The following CCDC148 variants were observed in gnomAD, a reference collection of about 807,000 sequenced individuals.
CCDC148 encodes the protein coiled-coil domain containing 148, also known as coiled-coil domain-containing protein 148.
Under a neutral mutation model 85.7 loss-of-function variants are expected in CCDC148, and 89 were observed. The ratio of observed to expected loss-of-function variants is 1.04; its 90% CI spans 0.87 to 1.24. CCDC148 has a LOEUF of 1.24. Among genes scored for constraint, CCDC148 ranks in the 50% most tolerant of loss-of-function variants. CCDC148 has a pLI of 0.00. For missense variants in CCDC148, 692 were observed against 671.7 expected (o/e 1.03, Z -0.33); for synonymous variants, 230 against 213.9 (o/e 1.08, Z -0.66).
chr2:158,350,737 T>A (rs948551758), intron 2 of CCDC148, among the ~76,000 whole-genome samples: 3 of 152,194 alleles, frequency 2.0e-5, no homozygotes, highest in African/African-American at 7.2e-5. Flanking sequence ...CCTAGTTAAT[T>A]CTTTTGTATT....
At chr2:158,455,865 C>G (rs1159268360) in intron 1 of CCDC148, among the ~76,000 whole-genome samples, 1 of 152,174 alleles carries the variant, frequency 6.6e-6, no homozygotes, top group African/African-American at 2.4e-5. Context: ...ATTATTAAAG[C>G]TCAAGATTTT....
intron 1 of CCDC148, among the ~76,000 whole-genome samples, chr2:158,439,912 G>A (rs900860853): frequency 4.6e-5 from 7 of 152,144 alleles, no homozygotes; most frequent in Admixed American, 2.0e-4. Flanking sequence ...GCAGGCTGGA[G>A]TGCAGTGGTG....
intron 1 of CCDC148, among the ~76,000 whole-genome samples, chr2:158,428,286 T>C (rs965526336): frequency 1.3e-5 from 2 of 152,090 alleles, no homozygotes; most frequent in African/African-American, 4.8e-5. Flanking sequence ...CAGAACTTGC[T>C]GATGGAGAGA....
intron 1 of CCDC148, among the ~76,000 whole-genome samples, chr2:158,399,531 GA>G (rs1465887297): frequency 3.3e-5 from 5 of 152,054 alleles, no homozygotes; most frequent in African/African-American, 1.2e-4. Flanking sequence ...AAAAACACAT[GA>G]TTATCTCAAT....
intron 1 of CCDC148, among the ~76,000 whole-genome samples, chr2:158,364,811 T>C (rs767884434): frequency 2.6e-5 from 4 of 152,038 alleles, no homozygotes; most frequent in Non-Finnish European, 5.9e-5. Flanking sequence ...AATTGACAAA[T>C]GGGATCTAAT....
At chr2:158,198,748 A>G (rs1340473286) in intron 11 of CCDC148, among the ~76,000 whole-genome samples, 1 of 152,192 alleles carries the variant, frequency 6.6e-6, no homozygotes, top group Non-Finnish European at 1.5e-5. Flanking sequence ...AGAAACAGTG[A>G]ACTGAGTTTA....
intron 11 of CCDC148, among the ~76,000 whole-genome samples, chr2:158,213,524 T>C (rs757779539): frequency 2.6e-5 from 4 of 152,098 alleles, no homozygotes; most frequent in Non-Finnish European, 5.9e-5. Flanking sequence ...TTCAGAAAAG[T>C]CAAAGATTGA....
chr2:158,284,452 A>C (rs1156986035), intron 9 of CCDC148, among the ~76,000 whole-genome samples: 1 of 151,758 alleles, frequency 6.6e-6, no homozygotes, highest in Non-Finnish European at 1.5e-5. Context: ...CCTTTTGGAA[A>C]TTTGGATAGC....
chr2:158,425,234 T>C (rs537994555), intron 1 of CCDC148: 225 of 537,446 alleles, frequency 4.2e-4, no homozygotes, highest in Middle Eastern at 1.6e-3. Context: ...CAGACTATAG[T>C]GGCCAAGAGA....
intron 11 of CCDC148, among the ~76,000 whole-genome samples, chr2:158,201,206 T>C (rs942970805): frequency 3.3e-5 from 5 of 152,196 alleles, no homozygotes; most frequent in African/African-American, 7.2e-5. Context: ...GAAATTTTCA[T>C]TTAATATTGG....
chr2:158,219,839 T>G (rs1237250460), intron 11 of CCDC148, among the ~76,000 whole-genome samples: 1 of 152,240 alleles, frequency 6.6e-6, no homozygotes, highest in Admixed American at 6.5e-5. Flanking sequence ...AGAGGGCTCC[T>G]CAGTTCCAAA....
intron 11 of CCDC148, among the ~76,000 whole-genome samples, chr2:158,212,946 G>A (rs1479495110): frequency 1.3e-5 from 2 of 152,130 alleles, no homozygotes; most frequent in African/African-American, 4.8e-5. Context: ...GTGACTTTGG[G>A]CCCATACTTG....
At chr2:158,258,218 G>T (rs1689086520) in intron 9 of CCDC148, among the ~76,000 whole-genome samples, 2 of 151,820 alleles carry the variant, frequency 1.3e-5, no homozygotes, top group African/African-American at 4.8e-5. Context: ...GTTCATTTGT[G>T]ATGTAAAATA....
chr2:158,455,957 A>G (rs1025632723), intron 1 of CCDC148, among the ~76,000 whole-genome samples: 1 of 152,222 alleles, frequency 6.6e-6, no homozygotes, highest in Non-Finnish European at 1.5e-5. Context: ...AAATCCATCA[A>G]CTGTAATCCA....
chr2:158,286,277 A>G (rs1484864041), intron 9 of CCDC148, among the ~76,000 whole-genome samples: 2 of 152,234 alleles, frequency 1.3e-5, no homozygotes, highest in East Asian at 1.9e-4. Flanking sequence ...AAACTTTACA[A>G]GAGGCTGCTC....
At chr2:158,454,772 C>T (rs6706991) in intron 1 of CCDC148, among the ~76,000 whole-genome samples, 9,973 of 152,264 alleles carry the variant, frequency 0.065, 711 homozygotes, top group African/African-American at 0.17. Flanking sequence ...ATTCTTTAAC[C>T]TTGTCTAGCA....
At chr2:158,418,864 A>C (rs1319191654) in intron 1 of CCDC148, among the ~76,000 whole-genome samples, 1 of 152,200 alleles carries the variant, frequency 6.6e-6, no homozygotes, top group Non-Finnish European at 1.5e-5. Context: ...TGAACAAATG[A>C]GTGAATCAAT....
At chr2:158,341,306 CAT>C (rs1553508994) in intron 3 of CCDC148, among the ~76,000 whole-genome samples, 1 of 97,500 alleles carries the variant, frequency 1.0e-5, no homozygotes, top group African/African-American at 4.4e-5. Flanking sequence ...TGTGTACATA[CAT>C]ATTTTTTTTT....
chr2:158,433,305 C>CTT (rs144551202), intron 1 of CCDC148, among the ~76,000 whole-genome samples: 41,661 of 135,402 alleles, frequency 0.31, 8,331 homozygotes, highest in Middle Eastern at 0.43. Flanking sequence ...AAAAGAAAAA[C>CTT]AATACAGTGG....
Sources: allele counts gnomAD v4.1 joint callset (sites outside exome capture counted in the v4.1 genomes callset), GRCh38; gene constraint gnomAD v4.1.1; transcripts MANE v1.5; gene names NCBI Gene and HGNC (gene_info 2026-07-23, HGNC 2026-07-21).